MAN2A2: variants seen among roughly 807,000 people sequenced by gnomAD.
MAN2A2 encodes the protein alpha-mannosidase 2x.
A neutral mutation model predicts 126.8 loss-of-function variants in MAN2A2; 79 were observed. The observed-to-expected ratio is 0.62, with a 90% CI of 0.52 to 0.75. The LOEUF (loss-of-function observed/expected upper bound fraction) is 0.75. MAN2A2 is among the 30% of genes least tolerant of loss of function. The pLI, the probability that MAN2A2 is intolerant of heterozygous loss-of-function variation, is 0.00. For synonymous variants in MAN2A2, 671 were observed against 618.7 expected (o/e 1.08, Z -1.25); for missense variants, 1,392 against 1,522.4 (o/e 0.91, Z 1.43).
intron 8 of MAN2A2, among the ~76,000 whole-genome samples, chr15:90,909,118 T>TA (rs1359397130): frequency 6.6e-6 from 1 of 152,040 alleles, no homozygotes; most frequent in Non-Finnish European, 1.5e-5. Context: ...CAGCCTAGCA[T>TA]AAAAAATAAC....
At position 90,906,430 on chromosome 15, in the gene MAN2A2, C is replaced by T; in HGVS notation, c.768C>T (p.Ala256=). ...GAGGCTGGGTGATGCCAGATGAGGCCAATTCCCACTACTTTGCATTGATTG... is the reference window on the plus strand; with the variant it reads ...GAGGCTGGGTGATGCCAGATGAGGCTAATTCCCACTACTTTGCATTGATTG... ...ATGGWVMPDE[A]NSHYFALIDQ... Residue 256 remains alanine, a synonymous_variant, in exon 6 of 23, where the codon GCC becomes GCT. Coordinates refer to ENST00000559717, the MANE Select transcript of MAN2A2 (RefSeq NM_006122.4). The T allele has an allele frequency of 6.2e-7, 1 of 1,614,164 alleles. No individual in the cohort carries two copies. Among genetic ancestry groups the T allele is most frequent in the Non-Finnish European group, 8.5e-7 (1 of 1,180,008 alleles).
chr15:90,912,035 G>A lies in MAN2A2; in HGVS notation c.2110-8G>A. 6.2e-7 allele frequency: 1 copy of A among 1,608,568 alleles called. No homozygotes were observed. Among genetic ancestry groups the A allele is most frequent in the Non-Finnish European group, 8.5e-7 (1 of 1,177,456 alleles). On this transcript the variant is annotated splice_region_variant and splice_polypyrimidine_tract_variant and intron_variant, in intron 14 of 22. Transcript: ENST00000559717. ...GCCCCCACTTCCTCACCCCTCCTGTGCCCACAGGTGTCTGTGCCTGTCCGC... is the reference window on the plus strand; with the variant it reads ...GCCCCCACTTCCTCACCCCTCCTGTACCCACAGGTGTCTGTGCCTGTCCGC...
rs766456203 is a variant in MAN2A2 at position 90,919,683 on chromosome 15, C to T, written c.3349C>T (p.Pro1117Ser). 6.2e-7 allele frequency: 1 copy of T among 1,614,230 alleles called. No individual in the cohort carries two copies. The highest frequency in any genetic ancestry group is 1.1e-5 in the South Asian group (1 of 91,090). The change falls in exon 23 of 23, where the codon CCA (proline) becomes TCA (serine). Residue 1117 changes from proline to serine, a missense_variant. Transcript: ENST00000559717. ...TGGCCTGGATGTGGTATTCCTTCAG[C>T]CAACCTCCTTGACGTTACTGTACCC... ...FHGLDVVFLQ[P>S]TSLTLLYPLA...
At chr15:90,903,980 C>T in intron 1 of MAN2A2, 1 of 594,532 alleles carries the variant, frequency 1.7e-6, no homozygotes. Context: ...TTCATAGCAC[C>T]AGCCAAAGGA....
rs2035568137 is a variant in MAN2A2 at position 90,922,080 on chromosome 15, T to C, written c.*2293T>C. The C allele has an allele frequency of 6.6e-6, 1 of 152,204 alleles. No individual in the cohort carries two copies. The highest frequency in any genetic ancestry group is 2.4e-5 in the African/African-American group (1 of 41,450). 9.4% of individuals were successfully genotyped at this position (152,204 alleles called of 1,614,324 possible). On this transcript the variant is annotated 3_prime_UTR_variant, in exon 23 of 23. Transcript: ENST00000559717. ...TTAAAAGATATAATAAGGGAAAAGATAAGCAGATTTCGCAACCAAAAAATA... is the reference window on the plus strand; with the variant it reads ...TTAAAAGATATAATAAGGGAAAAGACAAGCAGATTTCGCAACCAAAAAATA...
At chr15:90,912,766 T>C in intron 16 of MAN2A2, 102 bp downstream of exon 16, 1 of 1,580,112 alleles carries the variant, frequency 6.3e-7, no homozygotes, top group East Asian at 2.2e-5. Flanking sequence ...GTCTTTCCTG[T>C]TCAGCCCAGG....
Position 90,921,455 on chromosome 15 carries a change from C to G in MAN2A2, c.*1668C>G, listed in dbSNP as rs1426274596. On this transcript the variant is annotated 3_prime_UTR_variant, in exon 23 of 23. Coordinates refer to ENST00000559717, the MANE Select transcript of MAN2A2 (RefSeq NM_006122.4). ...GATCCTGCCAGATTCCCAGAGGATTCTCACGCCACCATTACCTCACTCAGT... is the reference window on the plus strand; with the variant it reads ...GATCCTGCCAGATTCCCAGAGGATTGTCACGCCACCATTACCTCACTCAGT... 1 of 152,336 alleles carries G rather than the reference C, an allele frequency of 6.6e-6. No individual in the cohort carries two copies. The highest frequency in any genetic ancestry group is 1.5e-5 in the Non-Finnish European group (1 of 68,178). 9.4% of individuals were successfully genotyped at this position (152,336 alleles called of 1,614,324 possible).
chr15:90,911,045 T>G, intron 12 of MAN2A2, 84 bp downstream of exon 12: 1 of 1,478,010 alleles, frequency 6.8e-7, no homozygotes, highest in Non-Finnish European at 9.4e-7. Flanking sequence ...GTGCCGCTTC[T>G]CTTTTTCCTT....
intron 9 of MAN2A2, among the ~76,000 whole-genome samples, chr15:90,909,858 C>T (rs1187568007): frequency 6.6e-6 from 1 of 152,244 alleles, no homozygotes; most frequent in African/African-American, 2.4e-5. Flanking sequence ...TCGCCTCGGC[C>T]TCCCAAAGTG....
In MAN2A2 at chr15:90,911,196, C is replaced by T. The variant is rs774924627; in HGVS notation, c.1901C>T (p.Ala634Val). 93 of 1,613,970 alleles carry T rather than the reference C, an allele frequency of 5.8e-5. No homozygotes were observed. The highest frequency in any genetic ancestry group is 7.8e-5 in the Non-Finnish European group (92 of 1,180,000). Residue 634 changes from alanine (A) to valine (V), a missense_variant, in exon 13 of 23, where the codon GCC becomes GTC. Physicochemically the swap from Ala to Val is moderately conservative, Grantham distance 64. Transcript: ENST00000559717. ...QVDDTRLSHD[A>V]LPERTVIQLD... Reference sequence around the variant, plus strand: ...GATGACACTCGCTTAAGTCACGACGCCCTCCCAGAGCGCACGGTGATCCAG... The same window carrying T: ...GATGACACTCGCTTAAGTCACGACGTCCTCCCAGAGCGCACGGTGATCCAG...
chr15:90,904,435 T>G, intron 2 of MAN2A2, 96 bp downstream of exon 2: 2 of 1,302,686 alleles, frequency 1.5e-6, no homozygotes, highest in Non-Finnish European at 2.1e-6. Context: ...CACCCCCCGC[T>G]GGAGGGTAAT....
chr15:90,913,692 G>A lies in MAN2A2; in HGVS notation c.2797G>A (p.Asp933Asn), dbSNP rs1423626201. Residue 933 changes from aspartate (D) to asparagine (N), a missense_variant, in exon 19 of 23, where the codon GAC becomes AAC. Asp to Asn is a conservative substitution (Grantham distance 23). Transcript: ENST00000559717. ...YPMPVMAYIQDAQKRLTLHTA... is the reference protein window; with the variant it reads ...YPMPVMAYIQNAQKRLTLHTA... Reference sequence around the variant, plus strand: ...CATGCCAGTCATGGCCTATATCCAGGACGCACAGAAGCGCCTCACGCTGCA... The same window carrying A: ...CATGCCAGTCATGGCCTATATCCAGAACGCACAGAAGCGCCTCACGCTGCA... 6.2e-7 allele frequency: 1 copy of A among 1,609,480 alleles called. No homozygotes were observed. The highest frequency in any genetic ancestry group is 1.3e-5 in the African/African-American group (1 of 74,836).
chr15:90,912,455 C>T, intron 15 of MAN2A2, 87 bp from the exon 16 acceptor site: 1 of 1,595,906 alleles, frequency 6.3e-7, no homozygotes, highest in Non-Finnish European at 8.5e-7. Flanking sequence ...GGGCACGGCT[C>T]CTTGGGGAAG....
Position 90,907,360 on chromosome 15 carries a change from A to G in MAN2A2, c.1061A>G (p.Tyr354Cys). ...IFCHMMPFYS[Y>C]DVPHTCGPDP... ...TGTCACATGATGCCCTTCTACAGCTATGACGTCCCCCATACCTGTGGCCCA... is the reference window on the plus strand; with the variant it reads ...TGTCACATGATGCCCTTCTACAGCTGTGACGTCCCCCATACCTGTGGCCCA... Residue 354 changes from tyrosine (Y) to cysteine (C), a missense_variant, in exon 8 of 23, where the codon TAT becomes TGT. Transcript: ENST00000559717. 1 of 1,614,168 alleles carries G rather than the reference A, an allele frequency of 6.2e-7. No homozygotes were observed. The highest frequency in any genetic ancestry group is 8.5e-7 in the Non-Finnish European group (1 of 1,180,016).
At chr15:90,913,246 A>C in intron 17 of MAN2A2, 27 bp from the exon 18 acceptor site, 1 of 1,611,888 alleles carries the variant, frequency 6.2e-7, no homozygotes, top group East Asian at 2.2e-5. Context: ...ACACCTGTCC[A>C]TGCCCCCACT....
intron 1 of MAN2A2, 162 bp from the exon 2 acceptor site, chr15:90,904,028 G>A: frequency 1.3e-6 from 1 of 749,648 alleles, no homozygotes; most frequent in Non-Finnish European, 2.4e-6. Context: ...GCTGCTACCA[G>A]GACCAGGTGG....
At position 90,910,222 on chromosome 15, in the gene MAN2A2, T is replaced by C. The variant is rs765150365; in HGVS notation, c.1507T>C (p.Tyr503His). ...CTCCTATGCGGACCGGGAGGATCAT[T>C]ACTGGACAGGCTATTACACTTCCCG... ...FFSYADREDH[Y>H]WTGYYTSRPF... Residue 503 changes from tyrosine to histidine, a missense_variant, in exon 10 of 23, where the codon TAC (tyrosine) becomes CAC (histidine). Tyr to His is a moderately conservative substitution (Grantham distance 83). Coordinates refer to ENST00000559717, the MANE Select transcript of MAN2A2 (RefSeq NM_006122.4). 5 of 1,614,184 alleles carry C rather than the reference T, an allele frequency of 3.1e-6. No homozygotes were observed. The highest frequency in any genetic ancestry group is 4.2e-6 in the Non-Finnish European group (5 of 1,180,024).
At chr15:90,908,556 A>ATTGAT (rs1378596722) in intron 8 of MAN2A2, among the ~76,000 whole-genome samples, 1 of 151,138 alleles carries the variant, frequency 6.6e-6, no homozygotes, top group African/African-American at 2.4e-5. Flanking sequence ...ATATTCATTC[A>ATTGAT]TTGATTTTAT....
At chr15:90,917,549 TG>T (rs1371614145) in intron 20 of MAN2A2, 1 of 152,524 alleles carries the variant, frequency 6.6e-6, no homozygotes, top group East Asian at 1.9e-4. Flanking sequence ...AAGTTGCCGG[TG>T]GCTATGAGGA....
Sources: allele counts gnomAD v4.1 joint callset (sites outside exome capture counted in the v4.1 genomes callset), GRCh38; gene constraint gnomAD v4.1.1; transcripts MANE v1.5; gene names NCBI Gene and HGNC (gene_info 2026-07-23, HGNC 2026-07-21).